Variants in DLG2 observed in about 807,000 individuals in gnomAD.
DLG2 encodes the protein disks large homolog 2.
Under a neutral mutation model 132.5 loss-of-function variants are expected in DLG2, and 45 were observed. The ratio of observed to expected loss-of-function variants is 0.34; its 90% CI spans 0.27 to 0.44. The LOEUF (loss-of-function observed/expected upper bound fraction) is 0.44, where lower values mean the gene tolerates loss of function less well. Ranked by LOEUF, DLG2 falls within the 20% of genes least tolerant of loss-of-function variation. DLG2 has a pLI of 1.00. For missense variants in DLG2, 1,045 were observed against 1,196.9 expected, an observed-to-expected ratio of 0.87 and a Z score of 1.87; for synonymous variants, 424 against 419.6, an observed-to-expected ratio of 1.01 and a Z score of -0.13.
intron 18 of DLG2, among the ~76,000 whole-genome samples, chr11:83,729,139 A>G (rs749707967): frequency 6.6e-6 from 1 of 152,168 alleles, no homozygotes; most frequent in Non-Finnish European, 1.5e-5. Context: ...TATATTTCTT[A>G]TTTATCAACT....
At chr11:84,215,393 C>T (rs764283377) in intron 8 of DLG2, among the ~76,000 whole-genome samples, 4 of 151,904 alleles carry the variant, frequency 2.6e-5, no homozygotes, top group Non-Finnish European at 4.4e-5. Flanking sequence ...CACTGTTGAG[C>T]AAAATTAACA....
At chr11:85,562,400 G>A (rs985233463) in intron 3 of DLG2, among the ~76,000 whole-genome samples, 16 of 151,638 alleles carry the variant, frequency 1.1e-4, no homozygotes, top group Admixed American at 7.9e-4. Flanking sequence ...TTGACCATTC[G>A]ATTTTAGCCA....
intron 4 of DLG2, among the ~76,000 whole-genome samples, chr11:85,282,974 A>C (rs555977017): frequency 4.7e-4 from 71 of 152,156 alleles, no homozygotes; most frequent in African/African-American, 1.7e-3. Flanking sequence ...TCCTTAGCCA[A>C]CTAACACAGG....
At chr11:85,319,909 A>G (rs917707764) in intron 3 of DLG2, among the ~76,000 whole-genome samples, 1 of 151,900 alleles carries the variant, frequency 6.6e-6, no homozygotes, top group Non-Finnish European at 1.5e-5. Context: ...CCTAAGTCAA[A>G]GTTTACAGCT....
intron 8 of DLG2, among the ~76,000 whole-genome samples, chr11:84,220,780 C>CTTTTTTTTTTTTTTT (rs5793114): frequency 1.3e-5 from 1 of 77,542 alleles, no homozygotes; most frequent in Admixed American, 1.9e-4. Flanking sequence ...TTTTTCTTTT[C>CTTTTTTTTTTTTTTT]TTTTTTTTTT....
At chr11:83,724,971 A>T in intron 18 of DLG2, 1 of 700,936 alleles carries the variant, frequency 1.4e-6, no homozygotes, top group South Asian at 1.5e-5. Context: ...CCGCCTGGCC[A>T]GCACACACCT....
intron 14 of DLG2, among the ~76,000 whole-genome samples, chr11:83,945,706 T>C (rs764155206): frequency 2.0e-5 from 3 of 152,120 alleles, no homozygotes; most frequent in Admixed American, 6.6e-5. Context: ...TAACTCTTGC[T>C]CAGGAGCAAT....
In DLG2 at chr11:84,890,183, G is replaced by A. The variant is rs183790987; in HGVS notation, c.357+221478C>T. Among the ~76,000 whole-genome samples, 366 of 152,264 alleles carry A rather than the reference G, an allele frequency of 2.4e-3. 1 individual carries two copies. The highest frequency in any genetic ancestry group is 5.7e-3 in the Admixed American group (87 of 15,284). ...GGTATAAAGGATTGATTGAATTATT[G>A]TTGCAGTTTTTATCTAAGCTTATTT... On this transcript the variant is annotated intron_variant, in intron 6 of 27. Transcript: ENST00000376104.
At chr11:85,585,155 A>G (rs189066883) in intron 3 of DLG2, among the ~76,000 whole-genome samples, 1 of 152,244 alleles carries the variant, frequency 6.6e-6, no homozygotes, top group East Asian at 1.9e-4. Flanking sequence ...GAAGTCTTTG[A>G]TCCATCTTGA....
At chr11:85,313,065 T>A (rs1343182043) in intron 3 of DLG2, among the ~76,000 whole-genome samples, 1 of 151,940 alleles carries the variant, frequency 6.6e-6, no homozygotes, top group African/African-American at 2.4e-5. Context: ...CCATACATGA[T>A]GTGTGTCACA....
At chr11:84,112,316 C>G (rs1052537884) in intron 9 of DLG2, among the ~76,000 whole-genome samples, 2 of 113,324 alleles carry the variant, frequency 1.8e-5, no homozygotes, top group Non-Finnish European at 3.6e-5. Context: ...TTTCTTTTTA[C>G]TTTTCCTTTT....
chr11:84,302,375 C>T (rs1166892572), intron 7 of DLG2, among the ~76,000 whole-genome samples: 3 of 152,038 alleles, frequency 2.0e-5, no homozygotes, highest in Admixed American at 6.5e-5. Context: ...AAATATTTTT[C>T]TAACTTAGAA....
At chr11:84,673,851 T>C (rs1258489921) in intron 6 of DLG2, among the ~76,000 whole-genome samples, 1 of 151,962 alleles carries the variant, frequency 6.6e-6, no homozygotes, top group Admixed American at 6.6e-5. Context: ...CTCAAAGTCA[T>C]GCTACCTGCA....
intron 3 of DLG2, among the ~76,000 whole-genome samples, chr11:85,558,775 C>T (rs1016203986): frequency 6.6e-6 from 1 of 151,716 alleles, no homozygotes. Flanking sequence ...CAACAATAGA[C>T]ATTAGAGACT....
In DLG2 at chr11:84,769,336, A is replaced by C. The variant is rs562059748; in HGVS notation, c.358-234605T>G. Among the ~76,000 whole-genome samples, 37 of 152,294 alleles carry C rather than the reference A, an allele frequency of 2.4e-4. 1 individual carries two copies. The highest frequency in any genetic ancestry group is 6.8e-3 in the Middle Eastern group (2 of 294). ...TAAAAAACTCACTTAAGGAATTTTA[A>C]AATACAATTGAAAGCTTTATCAACA... On this transcript the variant is annotated intron_variant, in intron 6 of 27. Coordinates refer to ENST00000376104, the MANE Select transcript of DLG2 (RefSeq NM_001142699.3).
intron 6 of DLG2, among the ~76,000 whole-genome samples, chr11:84,745,600 T>A (rs1343238046): frequency 6.6e-6 from 1 of 152,206 alleles, no homozygotes; most frequent in African/African-American, 2.4e-5. Flanking sequence ...CAGTTCATAT[T>A]AGAATTCTAA....
intron 6 of DLG2, among the ~76,000 whole-genome samples, chr11:84,796,298 C>G (rs1333340109): frequency 3.9e-5 from 6 of 152,176 alleles, no homozygotes; most frequent in Admixed American, 3.9e-4. Context: ...TTAACTTTGT[C>G]TCCCTGCTTT....
At chr11:84,271,454 A>T (rs79059539) in intron 7 of DLG2, among the ~76,000 whole-genome samples, 17,766 of 152,168 alleles carry the variant, frequency 0.12, 1,255 homozygotes, top group Non-Finnish European at 0.15. Context: ...CCCTACCACT[A>T]CACCACCACA....
intron 8 of DLG2, among the ~76,000 whole-genome samples, chr11:84,205,317 G>T (rs1316967639): frequency 4.6e-4 from 70 of 152,070 alleles, no homozygotes; most frequent in Admixed American, 4.6e-3. Flanking sequence ...ATTCCTCTTT[G>T]AGTAATTGAG....
Sources: gnomAD v4.1 joint callset for allele counts (sites outside exome capture counted in the v4.1 genomes callset) on GRCh38, gnomAD v4.1.1 for gene constraint, MANE v1.5 for transcripts, NCBI Gene and HGNC (gene_info 2026-07-23, HGNC 2026-07-21) for gene names.